Variants in GRID2 observed in about 807,000 individuals in gnomAD.
GRID2 encodes the protein glutamate receptor ionotropic, delta-2.
GRID2 carries 33 observed loss-of-function variants against 114.8 expected under a neutral mutation model. That is an observed-to-expected ratio of 0.29 (90% CI 0.22 to 0.38). The LOEUF is 0.38. GRID2 is among the 10% of genes least tolerant of loss of function. The pLI is 1.00. For synonymous variants in GRID2, 505 were observed against 449.9 expected, an observed-to-expected ratio of 1.12 and a Z score of -1.55; for missense variants, 1,184 against 1,257.7, an observed-to-expected ratio of 0.94 and a Z score of 0.89.
chr4:93,308,918 A>T (rs2149182877), intron 8 of GRID2, among the ~76,000 whole-genome samples: 1 of 152,310 alleles, frequency 6.6e-6, no homozygotes, highest in East Asian at 1.9e-4. Flanking sequence ...GTAAGTTTGT[A>T]TCTGAAATAA....
intron 1 of GRID2, among the ~76,000 whole-genome samples, chr4:92,379,409 T>C (rs528029631): frequency 6.6e-6 from 1 of 152,076 alleles, no homozygotes; most frequent in East Asian, 1.9e-4. Flanking sequence ...TAGACACTTA[T>C]AATGATGGAA....
rs142545973 is a variant in GRID2, at chr4:92,509,638, C to T, written c.89-80493C>T. Among the ~76,000 whole-genome samples, 379 of 151,954 alleles carry T rather than the reference C, an allele frequency of 2.5e-3. 1 individual carries two copies. The highest frequency in any genetic ancestry group is 4.2e-3 in the Non-Finnish European group (284 of 67,908). On this transcript the variant is annotated intron_variant, in intron 1 of 15. Transcript: ENST00000282020. Reference sequence around the variant, plus strand: ...TCAGAAAAGTTAAGTAGAAAAAGGACATTGAGGTAGAGTAGTGGCATTGCA... The same window carrying T: ...TCAGAAAAGTTAAGTAGAAAAAGGATATTGAGGTAGAGTAGTGGCATTGCA...
intron 8 of GRID2, among the ~76,000 whole-genome samples, chr4:93,291,067 C>T (rs768290521): frequency 6.6e-6 from 1 of 151,840 alleles, no homozygotes; most frequent in South Asian, 2.1e-4. Context: ...TTAGTAGATA[C>T]GGGGTTTCAC....
At chr4:93,154,736 G>T (rs546558387) in intron 4 of GRID2, among the ~76,000 whole-genome samples, 1 of 150,254 alleles carries the variant, frequency 6.7e-6, no homozygotes, top group Non-Finnish European at 1.5e-5. Flanking sequence ...TGTATTCGTG[G>T]CAAAAAAACA....
At chr4:92,825,626 A>G (rs1018542889) in intron 2 of GRID2, among the ~76,000 whole-genome samples, 1 of 152,104 alleles carries the variant, frequency 6.6e-6, no homozygotes, top group East Asian at 1.9e-4. Context: ...CCATTCACAT[A>G]TGGGTATTTA....
intron 13 of GRID2, among the ~76,000 whole-genome samples, chr4:93,590,932 T>G (rs2149612579): frequency 6.6e-6 from 1 of 151,592 alleles, no homozygotes; most frequent in East Asian, 1.9e-4. Flanking sequence ...CTGAAGTTGC[T>G]TATCAGCTTA....
At chr4:92,406,822 A>C (rs889555293) in intron 1 of GRID2, among the ~76,000 whole-genome samples, 2 of 151,848 alleles carry the variant, frequency 1.3e-5, no homozygotes, top group Non-Finnish European at 2.9e-5. Flanking sequence ...TCTGTTCTTA[A>C]GTTAGTTTGC....
At chr4:92,605,278 A>G (rs138809813) in intron 2 of GRID2, among the ~76,000 whole-genome samples, 2 of 152,250 alleles carry the variant, frequency 1.3e-5, no homozygotes, top group Admixed American at 6.6e-5. Flanking sequence ...GACGGAAACT[A>G]GGAATTTCCA....
At chr4:92,963,047 A>G (rs1423960399) in intron 2 of GRID2, among the ~76,000 whole-genome samples, 3 of 151,988 alleles carry the variant, frequency 2.0e-5, no homozygotes, top group African/African-American at 4.8e-5. Context: ...CAATAGCACT[A>G]TGTCTAAAAA....
chr4:92,634,871 G>GAGAGAA (rs1294809557), intron 2 of GRID2, among the ~76,000 whole-genome samples: 9 of 133,038 alleles, frequency 6.8e-5, no homozygotes, highest in Non-Finnish European at 9.8e-5. Context: ...GAGAGAGAGA[G>GAGAGAA]AGAGAGAAAG....
At chr4:92,975,941 CACATAT>C (rs1352353838) in intron 2 of GRID2, among the ~76,000 whole-genome samples, 26 of 152,018 alleles carry the variant, frequency 1.7e-4, no homozygotes, top group Non-Finnish European at 3.1e-4. Flanking sequence ...TATACACAGA[CACATAT>C]ACATATATGA....
intron 14 of GRID2, among the ~76,000 whole-genome samples, chr4:93,661,776 A>C (rs1723516344): frequency 6.6e-6 from 1 of 152,184 alleles, no homozygotes; most frequent in Non-Finnish European, 1.5e-5. Context: ...TAGTCGGCAC[A>C]AATGGCAGCA....
chr4:92,415,467 C>T (rs954862525), intron 1 of GRID2, among the ~76,000 whole-genome samples: 7 of 151,628 alleles, frequency 4.6e-5, no homozygotes, highest in Non-Finnish European at 1.0e-4. Flanking sequence ...TCCTCACCCT[C>T]CTCCCACAGT....
intron 2 of GRID2, among the ~76,000 whole-genome samples, chr4:92,869,660 G>T (rs1745133320): frequency 6.6e-6 from 1 of 152,086 alleles, no homozygotes; most frequent in Admixed American, 6.6e-5. Context: ...ACTTTCTTTT[G>T]CATTATTCAC....
At chr4:92,889,276 G>A (rs983819100) in intron 2 of GRID2, among the ~76,000 whole-genome samples, 3 of 152,132 alleles carry the variant, frequency 2.0e-5, no homozygotes, top group African/African-American at 7.2e-5. Flanking sequence ...GGGCAATCAG[G>A]CAAGAGAAAG....
intron 13 of GRID2, among the ~76,000 whole-genome samples, chr4:93,597,201 A>G (rs533062801): frequency 6.6e-6 from 1 of 152,372 alleles, no homozygotes; most frequent in Middle Eastern, 3.4e-3. Flanking sequence ...ATAAGCATAT[A>G]AGACCTCCCA....
chr4:92,799,509 T>C (rs1740051886), intron 2 of GRID2, among the ~76,000 whole-genome samples: 1 of 152,010 alleles, frequency 6.6e-6, no homozygotes, highest in Non-Finnish European at 1.5e-5. Flanking sequence ...TCTGAGGCCT[T>C]TCTTTTTGGC....
intron 2 of GRID2, among the ~76,000 whole-genome samples, chr4:93,046,245 A>G (rs1341434147): frequency 6.6e-6 from 1 of 152,012 alleles, no homozygotes; most frequent in Non-Finnish European, 1.5e-5. Context: ...CATTTTTTGC[A>G]CATTTAAGCC....
In GRID2 at chr4:92,449,710, T is replaced by TATATAA. The variant is rs1266661271; in HGVS notation, c.89-140420_89-140419insTATAAA. Among the ~76,000 whole-genome samples, 93 of 131,690 alleles carry TATATAA rather than the reference T, an allele frequency of 7.1e-4. 2 individuals carry two copies. Among genetic ancestry groups the TATATAA allele is most frequent in the African/African-American group, 2.4e-3 (84 of 34,368 alleles). The allele number at this position is 131,690 out of a possible 152,430, so 86.4% of individuals were successfully genotyped here. ...ATATATATATATATATATATATATATAACACTTAAGCCAAATTCATTTATA... is the reference window on the plus strand; with the variant it reads ...ATATATATATATATATATATATATATATATAAAACACTTAAGCCAAATTCATTTATA... On this transcript the variant is annotated intron_variant, in intron 1 of 15. Coordinates refer to ENST00000282020, the MANE Select transcript of GRID2 (RefSeq NM_001510.4).
Sources: allele counts gnomAD v4.1 joint callset (sites outside exome capture counted in the v4.1 genomes callset), GRCh38; gene constraint gnomAD v4.1.1; transcripts MANE v1.5; gene names NCBI Gene and HGNC (gene_info 2026-07-23, HGNC 2026-07-21).